CCDC7: variants seen among roughly 807,000 people sequenced by gnomAD.
The protein encoded by CCDC7 is coiled-coil domain containing 7.
A neutral mutation model predicts 196.9 loss-of-function variants in CCDC7; 183 were observed. That is an observed-to-expected ratio of 0.93 (90% confidence interval 0.82 to 1.05). The LOEUF (loss-of-function observed/expected upper bound fraction) is 1.05. CCDC7 is among the 50% of genes least tolerant of loss of function. The pLI, the probability that CCDC7 is intolerant of heterozygous loss-of-function variation, is 0.00. For missense variants in CCDC7, 1,540 were observed against 1,482.2 expected (o/e 1.04, Z -0.64); for synonymous variants, 525 against 484.6 (o/e 1.08, Z -1.10).
intron 18 of CCDC7, among the ~76,000 whole-genome samples, chr10:32,615,050 T>A (rs1759661): frequency 0.34 from 52,290 of 152,042 alleles, 11,412 homozygotes; most frequent in Non-Finnish European, 0.49. Flanking sequence ...TACCTCCACA[T>A]ACACTACATT....
At chr10:32,685,829 C>CTAT (rs201563887) in intron 21 of CCDC7, 141 bp from the exon 23 acceptor site, 6,359 of 559,200 alleles carry the variant, frequency 0.011, 51 homozygotes, top group Non-Finnish European at 0.016. Context: ...CTCATCAAAT[C>CTAT]TATTATTATT....
chr10:32,786,759 AAAAC>A (rs1307496769), intron 29 of CCDC7, among the ~76,000 whole-genome samples: 4 of 152,124 alleles, frequency 2.6e-5, no homozygotes, highest in Admixed American at 6.6e-5. Flanking sequence ...AGACTCCATC[AAAAC>A]AAACAAACAA....
At chr10:32,696,149 CAG>C (rs1204007319) in intron 24 of CCDC7, among the ~76,000 whole-genome samples, 2 of 152,054 alleles carry the variant, frequency 1.3e-5, no homozygotes, top group African/African-American at 4.8e-5. Context: ...TGAATACAGT[CAG>C]GGGTAGACAT....
At chr10:32,759,660 A>G (rs970695445) in intron 28 of CCDC7, among the ~76,000 whole-genome samples, 5 of 152,186 alleles carry the variant, frequency 3.3e-5, no homozygotes, top group Non-Finnish European at 7.3e-5. Flanking sequence ...AACCTAGGCA[A>G]TACCTTTCAG....
intron 26 of CCDC7, among the ~76,000 whole-genome samples, chr10:32,728,516 T>G (rs1206894742): frequency 6.6e-6 from 1 of 152,198 alleles, no homozygotes; most frequent in Non-Finnish European, 1.5e-5. Context: ...TCTCAATGGT[T>G]TTGAATATTT....
chr10:32,620,488 T>C (rs901198690), intron 18 of CCDC7, among the ~76,000 whole-genome samples: 1 of 152,212 alleles, frequency 6.6e-6, no homozygotes, highest in African/African-American at 2.4e-5. Flanking sequence ...TTCTGTTTTA[T>C]AGTTACCCTC....
chr10:32,665,701 G>A (rs117078862), intron 21 of CCDC7, among the ~76,000 whole-genome samples: 1,802 of 152,052 alleles, frequency 0.012, 22 homozygotes, highest in South Asian at 0.021. Flanking sequence ...GCTATTCAGC[G>A]TCTTTTATGG....
chr10:32,667,529 G>A (rs1050559590), intron 21 of CCDC7, among the ~76,000 whole-genome samples: 3 of 151,836 alleles, frequency 2.0e-5, no homozygotes, highest in Admixed American at 6.6e-5. Context: ...TTTAATCCAC[G>A]TGAATTAATT....
chr10:32,550,799 C>T (rs1033384116), intron 13 of CCDC7, among the ~76,000 whole-genome samples: 2 of 152,072 alleles, frequency 1.3e-5, no homozygotes, highest in Non-Finnish European at 2.9e-5. Flanking sequence ...ATTCAGTTAG[C>T]TAGTATTTTG....
At chr10:32,556,746 T>A (rs1164240704) in intron 13 of CCDC7, among the ~76,000 whole-genome samples, 5 of 152,254 alleles carry the variant, frequency 3.3e-5, no homozygotes, top group Non-Finnish European at 7.3e-5. Flanking sequence ...GTTTGCTTTC[T>A]TTAAAAATCT....
At chr10:32,624,938 T>C (rs943458213) in intron 18 of CCDC7, among the ~76,000 whole-genome samples, 7 of 151,364 alleles carry the variant, frequency 4.6e-5, no homozygotes, top group African/African-American at 1.7e-4. Context: ...TCCCAGTCCA[T>C]AGGTTGCCTT....
chr10:32,745,561 A>G (rs771425173), intron 28 of CCDC7, among the ~76,000 whole-genome samples: 4 of 152,282 alleles, frequency 2.6e-5, no homozygotes, highest in Non-Finnish European at 4.4e-5. Context: ...GATTATTACT[A>G]TGAGGGCAGC....
chr10:32,711,528 A>T (rs553673545), intron 24 of CCDC7, 92 bp from the exon 26 acceptor site: 1 of 719,142 alleles, frequency 1.4e-6, no homozygotes, highest in Non-Finnish European at 2.3e-6. Context: ...GATGAAAGAA[A>T]ATGTTGCTTC....
exon 17 of CCDC7, chr10:32,583,051 C>G (rs550196094): frequency 2.4e-6 from 3 of 1,231,344 alleles, no homozygotes; most frequent in Admixed American, 4.2e-5. Flanking sequence ...AAGAAACGAT[C>G]TAGCCCTGCT....
intron 18 of CCDC7, among the ~76,000 whole-genome samples, chr10:32,588,917 C>T (rs1564748591): frequency 6.6e-6 from 1 of 151,742 alleles, no homozygotes; most frequent in Non-Finnish European, 1.5e-5. Context: ...TGGGGAATAT[C>T]AGATATTTTG....
intron 11 of CCDC7, among the ~76,000 whole-genome samples, chr10:32,524,899 A>G (rs2048419838): frequency 6.6e-6 from 1 of 152,044 alleles, no homozygotes; most frequent in Non-Finnish European, 1.5e-5. Flanking sequence ...ATAACCTTGT[A>G]CTGGAATGTT....
intron 3 of CCDC7, among the ~76,000 whole-genome samples, chr10:32,461,736 TATATATATATATATAC>T (rs775927941): frequency 0.015 from 963 of 63,916 alleles, 14 homozygotes; most frequent in Non-Finnish European, 0.019. Flanking sequence ...TATATGTATA[TATATATATATATATAC>T]ATATATATAT....
At chr10:32,757,621 A>G (rs1289853382) in intron 28 of CCDC7, among the ~76,000 whole-genome samples, 1 of 152,384 alleles carries the variant, frequency 6.6e-6, no homozygotes. Flanking sequence ...AGGGAAACTT[A>G]TAGCACTAAA....
intron 29 of CCDC7, among the ~76,000 whole-genome samples, chr10:32,782,843 C>T (rs2081273137): frequency 6.6e-6 from 1 of 152,162 alleles, no homozygotes; most frequent in Non-Finnish European, 1.5e-5. Flanking sequence ...GGAATTAAAT[C>T]CTTGCTATGT....
Sources: gnomAD v4.1 joint callset for allele counts (sites outside exome capture counted in the v4.1 genomes callset) on GRCh38, gnomAD v4.1.1 for gene constraint, MANE v1.5 for transcripts, NCBI Gene and HGNC (gene_info 2026-07-23, HGNC 2026-07-21) for gene names.